GRIK1: variants seen among roughly 807,000 people sequenced by gnomAD.
GRIK1 encodes the protein glutamate receptor ionotropic, kainate 1.
A neutral mutation model predicts 105.7 loss-of-function variants in GRIK1; 69 were observed. The ratio of observed to expected loss-of-function variants is 0.65; its 90% CI spans 0.54 to 0.80. GRIK1 has a LOEUF of 0.80. GRIK1 is among the 30% of genes least tolerant of loss of function. GRIK1 has a pLI of 0.00. For synonymous variants in GRIK1, 438 were observed against 431.3 expected (o/e 1.02, Z -0.19); for missense variants, 1,109 against 1,167.3 (o/e 0.95, Z 0.73).
chr21:29,689,828 G>T lies in GRIK1; in HGVS notation c.444C>A (p.Ile148=), dbSNP rs2063552493. 6.2e-7 allele frequency: 1 copy of T among 1,613,798 alleles called. No individual in the cohort carries two copies. The highest frequency in any genetic ancestry group is 1.7e-5 in the Admixed American group (1 of 60,004). ...PSVDNKDLFY[I]NLYPDYAAIS... is the part of the protein sequence containing the mutation. ...TAGCTGCATAATCTGGGTAAAGGTTGATGTAAAACAAATCTTTGTTGTCCA... is the reference window on the plus strand; with the variant it reads ...TAGCTGCATAATCTGGGTAAAGGTTTATGTAAAACAAATCTTTGTTGTCCA... The change falls in exon 3 of 18, where the codon ATC becomes ATA. Residue 148 remains isoleucine, a synonymous_variant. Coordinates refer to ENST00000327783, the MANE Select transcript of GRIK1 (RefSeq NM_001330994.2).
chr21:29,659,336 T>C (rs1274577451), intron 4 of GRIK1, among the ~76,000 whole-genome samples: 1 of 152,174 alleles, frequency 6.6e-6, no homozygotes. Flanking sequence ...AAAAAAAGTT[T>C]CCAACAAAAC....
intron 1 of GRIK1, among the ~76,000 whole-genome samples, chr21:29,931,465 C>G (rs1051503504): frequency 1.3e-5 from 2 of 152,134 alleles, no homozygotes; most frequent in African/African-American, 4.8e-5. Context: ...TGTTATCAAG[C>G]GTGAATACTA....
At chr21:29,636,237 C>G (rs2062395523) in intron 7 of GRIK1, among the ~76,000 whole-genome samples, 1 of 152,146 alleles carries the variant, frequency 6.6e-6, no homozygotes, top group Admixed American at 6.5e-5. Context: ...TCAACTTGGA[C>G]TTTTGATTAA....
Position 29,782,243 on chromosome 21 carries a change from A to T in GRIK1, c.119-88180T>A, listed in dbSNP as rs577850489. ...CTGGGACTGCAGGCGCCCGCCACCA[A>T]GCCTGGCTAATTTTTTGTATTTTTA... On this transcript the variant is annotated intron_variant, in intron 1 of 17. Coordinates refer to ENST00000327783, the MANE Select transcript of GRIK1 (RefSeq NM_001330994.2). 4.0e-5 allele frequency among the ~76,000 whole-genome samples: 6 copies of T among 149,606 alleles called. No homozygotes were observed. In the South Asian group the frequency reaches 6.4e-4, roughly 16 times the overall value.
intron 7 of GRIK1, among the ~76,000 whole-genome samples, chr21:29,612,823 A>G (rs995070682): frequency 3.9e-5 from 6 of 152,246 alleles, no homozygotes; most frequent in Non-Finnish European, 7.3e-5. Flanking sequence ...TGATTTTCAC[A>G]TATTGTTTAC....
intron 1 of GRIK1, among the ~76,000 whole-genome samples, chr21:29,772,644 A>C (rs1029593362): frequency 6.6e-6 from 1 of 152,174 alleles, no homozygotes; most frequent in Non-Finnish European, 1.5e-5. Flanking sequence ...TTCCTCATTA[A>C]AATAGAGCAC....
At chr21:29,849,377 A>G (rs942272994) in intron 1 of GRIK1, among the ~76,000 whole-genome samples, 4 of 152,212 alleles carry the variant, frequency 2.6e-5, no homozygotes, top group African/African-American at 9.6e-5. Context: ...TCCTCTGCTA[A>G]TAGCTTCCAA....
intron 1 of GRIK1, among the ~76,000 whole-genome samples, chr21:29,727,752 A>T (rs367694697): frequency 1.3e-5 from 2 of 152,374 alleles, no homozygotes; most frequent in African/African-American, 4.8e-5. Context: ...AAGACACAGA[A>T]TCAATGGGAT....
chr21:29,708,678 C>T (rs183905432), intron 1 of GRIK1, among the ~76,000 whole-genome samples: 3 of 152,212 alleles, frequency 2.0e-5, no homozygotes, highest in African/African-American at 7.2e-5. Context: ...CTTCTGTTTC[C>T]CTCTGCCCAG....
chr21:29,852,599 G>A (rs940489696), intron 1 of GRIK1, among the ~76,000 whole-genome samples: 2 of 152,116 alleles, frequency 1.3e-5, no homozygotes, highest in East Asian at 3.9e-4. Context: ...AAATAAATGT[G>A]GCCTGAAAGC....
At chr21:29,712,077 CAT>C (rs1374168634) in intron 1 of GRIK1, among the ~76,000 whole-genome samples, 125 of 115,032 alleles carry the variant, frequency 1.1e-3, no homozygotes, top group African/African-American at 3.8e-3. Context: ...TATATGTATA[CAT>C]ACATACACAC....
chr21:29,931,080 T>C (rs1450964592), intron 1 of GRIK1, among the ~76,000 whole-genome samples: 2 of 152,210 alleles, frequency 1.3e-5, no homozygotes, highest in Non-Finnish European at 2.9e-5. Context: ...ATCTTCTTTC[T>C]CCTGAAATTA....
chr21:29,579,655 C>G (rs919772417), intron 13 of GRIK1, among the ~76,000 whole-genome samples: 1 of 152,126 alleles, frequency 6.6e-6, no homozygotes, highest in African/African-American at 2.4e-5. Flanking sequence ...GACAGATGCA[C>G]TAACAGTCAC....
chr21:29,564,783 G>A (rs1289336490), intron 14 of GRIK1, among the ~76,000 whole-genome samples: 1 of 152,180 alleles, frequency 6.6e-6, no homozygotes, highest in African/African-American at 2.4e-5. Context: ...TAATCCACGG[G>A]TAAGAGAGGT....
chr21:29,756,559 G>A (rs1236698542), intron 1 of GRIK1, among the ~76,000 whole-genome samples: 1 of 151,954 alleles, frequency 6.6e-6, no homozygotes, highest in Non-Finnish European at 1.5e-5. Context: ...TCAGGTTCAC[G>A]CCTGGGTGCC....
At chr21:29,781,719 G>GGACTGCT (rs1569085959) in intron 1 of GRIK1, among the ~76,000 whole-genome samples, 1 of 108,006 alleles carries the variant, frequency 9.3e-6, no homozygotes. Flanking sequence ...GCCGGACTGC[G>GGACTGCT]GACTGCAGTG....
intron 1 of GRIK1, among the ~76,000 whole-genome samples, chr21:29,736,682 C>CTT (rs748838440): frequency 2.8e-5 from 4 of 141,742 alleles, no homozygotes; most frequent in Admixed American, 7.0e-5. Flanking sequence ...CTTTCCTTTT[C>CTT]TTTTTTTTTT....
intron 1 of GRIK1, among the ~76,000 whole-genome samples, chr21:29,753,688 T>A (rs143090153): frequency 8.5e-5 from 13 of 152,306 alleles, no homozygotes; most frequent in Non-Finnish European, 1.8e-4. Context: ...TTTTTAAAAG[T>A]TACCTTTAAA....
chr21:29,892,204 G>C (rs957438402), intron 1 of GRIK1, among the ~76,000 whole-genome samples: 3 of 152,174 alleles, frequency 2.0e-5, no homozygotes, highest in African/African-American at 7.2e-5. Context: ...ATACTAAAGA[G>C]ACTAGAAATA....
Sources: gnomAD v4.1 joint callset for allele counts (sites outside exome capture counted in the v4.1 genomes callset) on GRCh38, gnomAD v4.1.1 for gene constraint, MANE v1.5 for transcripts, NCBI Gene and HGNC (gene_info 2026-07-23, HGNC 2026-07-21) for gene names.